The following TENM2 variants were observed in gnomAD, a reference collection of about 807,000 sequenced individuals.
The protein encoded by TENM2 is teneurin transmembrane protein 2.
TENM2 carries 52 observed loss-of-function variants against 245.2 expected under a neutral mutation model. The ratio of observed to expected loss-of-function variants is 0.21; its 90% confidence interval spans 0.17 to 0.27. The LOEUF (loss-of-function observed/expected upper bound fraction) is 0.27. Ranked by LOEUF, TENM2 falls within the 10% of genes least tolerant of loss-of-function variation. TENM2 has a pLI of 1.00. For missense variants in TENM2, 3,046 were observed against 3,666.8 expected (o/e 0.83, Z 4.37); for synonymous variants, 1,363 against 1,438.9 (o/e 0.95, Z 1.19).
Position 167,952,687 on chromosome 5 carries a change from A to G in TENM2, c.812A>G (p.Asn271Ser), listed in dbSNP as rs1037336206. ...CACCACTCGTCCGCCAACTCCCTCAACAGGAACTCACTGACCAATCGGCGG... is the reference window on the plus strand; with the variant it reads ...CACCACTCGTCCGCCAACTCCCTCAGCAGGAACTCACTGACCAATCGGCGG... Residue 271 changes from asparagine to serine, a missense_variant, in exon 4 of 29, where the codon AAC (asparagine) becomes AGC (serine). Asn to Ser is a conservative substitution (Grantham distance 46). Coordinates refer to ENST00000518659, the Ensembl canonical transcript of TENM2. 1.1e-5 allele frequency: 18 copies of G among 1,612,474 alleles called. No individual in the cohort carries two copies. The South Asian group carries it at 1.8e-4, about 16-fold the overall frequency.
intron 2 of TENM2, among the ~76,000 whole-genome samples, chr5:167,832,434 T>C (rs1211702547): frequency 2.6e-5 from 4 of 152,244 alleles, no homozygotes; most frequent in African/African-American, 9.6e-5. Flanking sequence ...ACAAGGTGTT[T>C]CCAGTTACAA....
At chr5:168,143,202 T>C (rs1755708335) in intron 12 of TENM2, among the ~76,000 whole-genome samples, 1 of 151,688 alleles carries the variant, frequency 6.6e-6, no homozygotes, top group Admixed American at 6.6e-5. Flanking sequence ...TAATTTGCAG[T>C]GGGGGTAATA....
intron 3 of TENM2, among the ~76,000 whole-genome samples, chr5:167,949,596 A>G (rs1250184308): frequency 6.6e-6 from 1 of 152,062 alleles, no homozygotes; most frequent in Non-Finnish European, 1.5e-5. Context: ...TTTCACAGCA[A>G]CCTTAGCGGG....
chr5:168,208,243 A>G (rs1762524203), intron 19 of TENM2, among the ~76,000 whole-genome samples: 1 of 152,154 alleles, frequency 6.6e-6, no homozygotes, highest in Non-Finnish European at 1.5e-5. Flanking sequence ...AAACATAAGA[A>G]TCTCACACCT....
chr5:167,939,833 T>C (rs1338208108), intron 3 of TENM2, among the ~76,000 whole-genome samples: 1 of 152,216 alleles, frequency 6.6e-6, no homozygotes, highest in Non-Finnish European at 1.5e-5. Context: ...CCCAGCCTGG[T>C]TGAGTCAGAA....
At chr5:167,048,160 A>T in the TENM2 span, among the ~76,000 whole-genome samples, 1 of 152,208 alleles carries the variant, frequency 6.6e-6, no homozygotes, top group Non-Finnish European at 1.5e-5. Context: ...CCAAGTAATT[A>T]TGGTTTTAAA....
the TENM2 span, among the ~76,000 whole-genome samples, chr5:167,257,664 AG>A: frequency 4.6e-5 from 7 of 152,056 alleles, no homozygotes; most frequent in Non-Finnish European, 8.8e-5. Flanking sequence ...AACCCCCAAA[AG>A]CTTTGCAAAG....
At chr5:167,733,338 TCTG>T (rs1405620641) in intron 2 of TENM2, among the ~76,000 whole-genome samples, 1 of 152,220 alleles carries the variant, frequency 6.6e-6, no homozygotes, top group Non-Finnish European at 1.5e-5. Flanking sequence ...TGAGTGTGGA[TCTG>T]CTTGTAACAT....
the TENM2 span, among the ~76,000 whole-genome samples, chr5:167,229,533 T>C: frequency 1.3e-5 from 2 of 152,166 alleles, no homozygotes; most frequent in African/African-American, 2.4e-5. Context: ...TGAGGAGGAT[T>C]GAGCAGGCTG....
chr5:167,571,899 T>G (rs1057166741), intron 2 of TENM2, among the ~76,000 whole-genome samples: 1 of 152,206 alleles, frequency 6.6e-6, no homozygotes, highest in Non-Finnish European at 1.5e-5. Context: ...GGAGGCTGCT[T>G]CCAATACACT....
chr5:167,941,911 A>G (rs908069269), intron 3 of TENM2, among the ~76,000 whole-genome samples: 8 of 150,654 alleles, frequency 5.3e-5, no homozygotes, highest in Admixed American at 1.3e-4. Context: ...CCTCTCTCCA[A>G]CATCTCAAAA....
intron 2 of TENM2, among the ~76,000 whole-genome samples, chr5:167,496,426 G>C (rs1768823934): frequency 6.6e-6 from 1 of 152,042 alleles, no homozygotes; most frequent in Admixed American, 6.6e-5. Flanking sequence ...AACTCCTCCT[G>C]AACAACAACA....
At chr5:167,453,310 C>T (rs1765719551) in intron 2 of TENM2, among the ~76,000 whole-genome samples, 1 of 151,986 alleles carries the variant, frequency 6.6e-6, no homozygotes, top group African/African-American at 2.4e-5. Context: ...TGAAATGGCC[C>T]AATTTTTATC....
At chr5:167,017,645 T>C in the TENM2 span, among the ~76,000 whole-genome samples, 1 of 152,228 alleles carries the variant, frequency 6.6e-6, no homozygotes. Context: ...CCAGAAACTT[T>C]TATTCTGGCT....
At chr5:167,936,488 C>T (rs192202835) in intron 3 of TENM2, among the ~76,000 whole-genome samples, 11 of 152,282 alleles carry the variant, frequency 7.2e-5, no homozygotes, top group Admixed American at 7.2e-4. Flanking sequence ...AACAGATTTA[C>T]CAAGTTTTCA....
chr5:168,160,905 C>G (rs1390181104), intron 12 of TENM2, among the ~76,000 whole-genome samples: 1 of 152,142 alleles, frequency 6.6e-6, no homozygotes, highest in Non-Finnish European at 1.5e-5. Context: ...GTGGCACACA[C>G]TTGCAGTCCT....
At chr5:168,049,631 G>A (rs943410192) in intron 6 of TENM2, among the ~76,000 whole-genome samples, 18 of 152,052 alleles carry the variant, frequency 1.2e-4, no homozygotes, top group Admixed American at 7.2e-4. Context: ...AAGAGTATGC[G>A]TCTCTAAATT....
At chr5:167,261,115 TC>T in the TENM2 span, among the ~76,000 whole-genome samples, 1 of 152,150 alleles carries the variant, frequency 6.6e-6, no homozygotes, top group African/African-American at 2.4e-5. Flanking sequence ...TCTCATGCCC[TC>T]CCCATCCCCA....
chr5:167,744,760 A>T (rs1246307860), intron 2 of TENM2, among the ~76,000 whole-genome samples: 1 of 152,074 alleles, frequency 6.6e-6, no homozygotes, highest in Non-Finnish European at 1.5e-5. Flanking sequence ...GTTTTAATTG[A>T]TGTATTGTGG....
Sources: gnomAD v4.1 joint callset for allele counts (sites outside exome capture counted in the v4.1 genomes callset) on GRCh38, gnomAD v4.1.1 for gene constraint, MANE v1.5 for transcripts, NCBI Gene and HGNC (gene_info 2026-07-23, HGNC 2026-07-21) for gene names.